Variants in ROBO1 observed in about 807,000 individuals in gnomAD.
ROBO1 encodes roundabout guidance receptor 1.
Under a neutral mutation model 195.9 loss-of-function variants are expected in ROBO1, and 149 were observed. The ratio of observed to expected loss-of-function variants is 0.76; its 90% CI spans 0.67 to 0.87. ROBO1 has a LOEUF of 0.87. ROBO1 is among the 40% of genes least tolerant of loss of function. The pLI is 0.00. For synonymous variants in ROBO1, 816 were observed against 733.2 expected (o/e 1.11, Z -1.82); for missense variants, 1,933 against 2,068.3 (o/e 0.93, Z 1.27).
At chr3:79,673,330 G>C (rs1345238749) in intron 1 of ROBO1, among the ~76,000 whole-genome samples, 2 of 151,894 alleles carry the variant, frequency 1.3e-5, no homozygotes, top group South Asian at 4.1e-4. Context: ...GTGTGGGTGT[G>C]GGTGTGTGAG....
chr3:79,026,039 A>T (rs1349050846), intron 3 of ROBO1, among the ~76,000 whole-genome samples: 2 of 152,266 alleles, frequency 1.3e-5, no homozygotes, highest in East Asian at 3.9e-4. Context: ...TTGTGTCATT[A>T]TTGTATTACA....
intron 4 of ROBO1, among the ~76,000 whole-genome samples, chr3:78,750,953 T>C (rs2082778707): frequency 6.6e-6 from 1 of 152,210 alleles, no homozygotes; most frequent in African/African-American, 2.4e-5. Flanking sequence ...TTGTTTTGCT[T>C]GTTTACCACG....
At chr3:79,502,258 G>A (rs950733945) in intron 2 of ROBO1, among the ~76,000 whole-genome samples, 3 of 152,186 alleles carry the variant, frequency 2.0e-5, no homozygotes, top group Non-Finnish European at 4.4e-5. Context: ...GGTGTGGAGG[G>A]AGATGCGCGG....
chr3:79,347,044 A>T (rs1297090299), intron 2 of ROBO1, among the ~76,000 whole-genome samples: 1 of 152,144 alleles, frequency 6.6e-6, no homozygotes, highest in East Asian at 1.9e-4. Context: ...AGTACTATAT[A>T]GTTACTTATA....
intron 3 of ROBO1, among the ~76,000 whole-genome samples, chr3:78,951,302 A>G (rs2107775680): frequency 6.6e-6 from 1 of 152,014 alleles, no homozygotes; most frequent in Middle Eastern, 3.4e-3. Flanking sequence ...ACATATATAT[A>G]ATATTCGACT....
chr3:78,761,148 A>G (rs1360796890), intron 4 of ROBO1, among the ~76,000 whole-genome samples: 1 of 152,128 alleles, frequency 6.6e-6, no homozygotes, highest in Non-Finnish European at 1.5e-5. Context: ...GTTAAGACCT[A>G]TGCTTATAAT....
intron 1 of ROBO1, among the ~76,000 whole-genome samples, chr3:79,687,312 G>A (rs1027746049): frequency 1.3e-5 from 2 of 151,996 alleles, no homozygotes; most frequent in African/African-American, 2.4e-5. Flanking sequence ...CATAGGCATG[G>A]GCAAGGACTT....
At chr3:78,660,487 G>A (rs958043538) in intron 16 of ROBO1, 2 of 152,638 alleles carry the variant, frequency 1.3e-5, no homozygotes, top group Admixed American at 6.5e-5. Flanking sequence ...ACAAAGACAT[G>A]TTGGGAAAAA....
At chr3:79,597,497 A>T (rs1171271070) in intron 1 of ROBO1, among the ~76,000 whole-genome samples, 1 of 152,034 alleles carries the variant, frequency 6.6e-6, no homozygotes, top group Admixed American at 6.6e-5. Flanking sequence ...AAAACATTCT[A>T]TTATTTTTCA....
chr3:79,305,833 T>C (rs1021179308), intron 2 of ROBO1, among the ~76,000 whole-genome samples: 1 of 152,166 alleles, frequency 6.6e-6, no homozygotes, highest in African/African-American at 2.4e-5. Flanking sequence ...AAGAACATTG[T>C]TCACTATTGG....
intron 1 of ROBO1, among the ~76,000 whole-genome samples, chr3:79,629,557 A>G (rs1328880962): frequency 6.6e-6 from 1 of 152,128 alleles, no homozygotes; most frequent in Admixed American, 6.6e-5. Flanking sequence ...TCTCAAATTA[A>G]CAAACCAATG....
Position 78,647,625 on chromosome 3 carries a change from A to C in ROBO1, c.2839+4T>G, listed in dbSNP as rs778399591. On this transcript the variant is annotated splice_donor_region_variant and intron_variant, in intron 20 of 30. Coordinates refer to ENST00000464233, the MANE Select transcript of ROBO1 (RefSeq NM_002941.4). ...AAAGGAGGAGGGTAAGTGCAAATAT[A>C]TACCTGTTGGTGTGAAGGTAAAAGA... The C allele has an allele frequency of 6.2e-7, 1 of 1,611,458 alleles. No homozygotes were observed. The highest frequency in any genetic ancestry group is 1.1e-5 in the South Asian group (1 of 91,016).
At chr3:79,729,508 A>G (rs558808667) in intron 1 of ROBO1, among the ~76,000 whole-genome samples, 1 of 152,354 alleles carries the variant, frequency 6.6e-6, no homozygotes, top group African/African-American at 2.4e-5. Context: ...GTGTTTGTTT[A>G]TTATTGACTG....
chr3:79,205,355 T>G (rs578163277), intron 2 of ROBO1, among the ~76,000 whole-genome samples: 2 of 152,296 alleles, frequency 1.3e-5, no homozygotes, highest in South Asian at 2.1e-4. Context: ...CTAGCATTTT[T>G]ACTTATAAAC....
intron 2 of ROBO1, among the ~76,000 whole-genome samples, chr3:79,408,054 T>A (rs1331140019): frequency 6.6e-6 from 1 of 151,758 alleles, no homozygotes; most frequent in Non-Finnish European, 1.5e-5. Context: ...AATTGTTTAT[T>A]AAAAAAATTG....
intron 4 of ROBO1, among the ~76,000 whole-genome samples, chr3:78,866,885 G>A (rs955580998): frequency 6.6e-6 from 1 of 152,142 alleles, no homozygotes; most frequent in East Asian, 1.9e-4. Flanking sequence ...CTCTACTGGT[G>A]TCACACTGTG....
chr3:78,762,011 T>C (rs1454591797), intron 4 of ROBO1, among the ~76,000 whole-genome samples: 1 of 152,096 alleles, frequency 6.6e-6, no homozygotes, highest in African/African-American at 2.4e-5. Context: ...AAAGTCCAGT[T>C]TCATTAACAA....
At chr3:78,722,798 C>T (rs2108120880) in intron 5 of ROBO1, among the ~76,000 whole-genome samples, 1 of 152,178 alleles carries the variant, frequency 6.6e-6, no homozygotes, top group Middle Eastern at 3.4e-3. Context: ...ATATGTGTAA[C>T]TTTAGCCAAG....
intron 2 of ROBO1, among the ~76,000 whole-genome samples, chr3:79,506,230 CTG>C (rs781537776): frequency 2.8e-4 from 43 of 151,890 alleles, no homozygotes; most frequent in Non-Finnish European, 5.3e-4. Flanking sequence ...TGAGGAATAA[CTG>C]AAATAGATAG....
Sources: allele counts gnomAD v4.1 joint callset (sites outside exome capture counted in the v4.1 genomes callset), GRCh38; gene constraint gnomAD v4.1.1; transcripts MANE v1.5; gene names NCBI Gene and HGNC (gene_info 2026-07-23, HGNC 2026-07-21).